Variants in ADGRL3 observed in about 807,000 individuals in gnomAD.
ADGRL3 encodes calcium-independent alpha-latrotoxin receptor 3.
A neutral mutation model predicts 153.5 loss-of-function variants in ADGRL3; 62 were observed. The observed-to-expected ratio is 0.40, with a 90% CI of 0.33 to 0.50. The LOEUF is 0.50. Ranked by LOEUF, ADGRL3 falls within the 20% of genes least tolerant of loss-of-function variation. The pLI, the probability that ADGRL3 is intolerant of heterozygous loss-of-function variation, is 0.47. For missense variants in ADGRL3, 1,641 were observed against 1,859.4 expected (o/e 0.88, Z 2.16); for synonymous variants, 710 against 672.5 (o/e 1.06, Z -0.86).
chr4:61,774,850 G>C (rs1267323564), intron 8 of ADGRL3, among the ~76,000 whole-genome samples: 2 of 152,108 alleles, frequency 1.3e-5, no homozygotes, highest in African/African-American at 4.8e-5. Flanking sequence ...TGCTGCTATC[G>C]GTTGTTTCAG....
intron 2 of ADGRL3, among the ~76,000 whole-genome samples, chr4:61,411,966 A>C (rs1159591551): frequency 6.6e-6 from 1 of 152,190 alleles, no homozygotes; most frequent in Non-Finnish European, 1.5e-5. Context: ...CAATGTGTTA[A>C]CCCTCATATA....
chr4:61,503,215 T>A (rs2098404006), intron 3 of ADGRL3, among the ~76,000 whole-genome samples: 2 of 150,558 alleles, frequency 1.3e-5, no homozygotes, highest in Admixed American at 1.3e-4. Flanking sequence ...GGAAAATAAT[T>A]TTTTTTTTTG....
intron 15 of ADGRL3, among the ~76,000 whole-genome samples, chr4:61,938,677 T>C (rs62304440): frequency 0.019 from 2,940 of 152,118 alleles, 31 homozygotes; most frequent in Non-Finnish European, 0.033. Flanking sequence ...CTTCTTTGTG[T>C]CACTAGCTCC....
At chr4:61,846,651 T>TA (rs755193607) in intron 9 of ADGRL3, among the ~76,000 whole-genome samples, 76 of 152,252 alleles carry the variant, frequency 5.0e-4, no homozygotes, top group South Asian at 3.1e-3. Flanking sequence ...TCTAAAGAAA[T>TA]ACCTGAGACT....
chr4:61,735,477 G>GT (rs1423138537), intron 8 of ADGRL3, among the ~76,000 whole-genome samples: 3 of 152,046 alleles, frequency 2.0e-5, no homozygotes, highest in Non-Finnish European at 4.4e-5. Flanking sequence ...TTTTTTGTTT[G>GT]TTTTTTTAAC....
At position 62,027,135 on chromosome 4, in the gene ADGRL3, A is replaced by G. The variant is rs954141978; in HGVS notation, c.3396-1720A>G. Among the ~76,000 whole-genome samples, 6 of 152,168 alleles carry G rather than the reference A, an allele frequency of 3.9e-5. No individual in the cohort carries two copies. The East Asian group carries it at 5.8e-4, about 15-fold the overall frequency. On this transcript the variant is annotated intron_variant, in intron 21 of 26. Transcript: ENST00000683033. ...TGGGAATGCATATAATATAATAAAT[A>G]TCACATTATTATGTTTTATAAATTT...
At chr4:61,344,635 T>C (rs2095865561) in intron 1 of ADGRL3, among the ~76,000 whole-genome samples, 1 of 152,120 alleles carries the variant, frequency 6.6e-6, no homozygotes, top group Admixed American at 6.6e-5. Context: ...TTGGTGAGAA[T>C]GATCATTGTG....
chr4:61,241,447 T>G (rs1754929078), intron 1 of ADGRL3, among the ~76,000 whole-genome samples: 1 of 152,058 alleles, frequency 6.6e-6, no homozygotes, highest in South Asian at 2.1e-4. Flanking sequence ...GAAACTACTT[T>G]TATCAATACC....
rs145401124 is a variant in ADGRL3, at chr4:61,213,502, A to G, written c.-240+11737A>G. Among the ~76,000 whole-genome samples the G allele has an allele frequency of 2.0e-5, 3 of 152,174 alleles. No homozygotes were observed. The East Asian group carries it at 5.8e-4, about 29-fold the overall frequency. The stretch of plus-strand genomic sequence containing the variant: ...TACATGCTTACGTTGAACACTTTTA[A>G]AATACAGAGATACGTAAAGTTAAAA... On this transcript the variant is annotated intron_variant, in intron 1 of 26. Transcript: ENST00000683033.
chr4:61,822,965 C>A (rs754455412), intron 9 of ADGRL3, among the ~76,000 whole-genome samples: 4 of 152,144 alleles, frequency 2.6e-5, no homozygotes, highest in African/African-American at 4.8e-5. Context: ...AATACAGTGG[C>A]TCCCCGATGT....
At chr4:61,358,992 A>G (rs1360125999) in intron 1 of ADGRL3, among the ~76,000 whole-genome samples, 1 of 152,050 alleles carries the variant, frequency 6.6e-6, no homozygotes, top group East Asian at 1.9e-4. Flanking sequence ...CTCCACTCAC[A>G]CCCCTAAAAA....
chr4:61,479,831 A>G (rs1197512137), intron 2 of ADGRL3, among the ~76,000 whole-genome samples: 1 of 152,134 alleles, frequency 6.6e-6, no homozygotes, highest in African/African-American at 2.4e-5. Flanking sequence ...TGTTATCTGT[A>G]AGAATACAAA....
intron 5 of ADGRL3, among the ~76,000 whole-genome samples, chr4:61,636,495 A>G (rs1183237069): frequency 6.6e-6 from 1 of 152,128 alleles, no homozygotes; most frequent in Non-Finnish European, 1.5e-5. Flanking sequence ...ACCTAGAATT[A>G]ATACTCCACC....
intron 1 of ADGRL3, among the ~76,000 whole-genome samples, chr4:61,336,858 C>CT (rs573900304): frequency 0.27 from 36,143 of 134,098 alleles, 5,250 homozygotes; most frequent in Non-Finnish European, 0.35. Flanking sequence ...CTTACAGTTC[C>CT]TTTTTTTTTT....
chr4:62,037,097 T>A (rs971631591), intron 23 of ADGRL3, among the ~76,000 whole-genome samples: 1 of 152,138 alleles, frequency 6.6e-6, no homozygotes, highest in South Asian at 2.1e-4. Context: ...AGGACAAAAT[T>A]TACAATCTTT....
chr4:61,781,626 A>T (rs903726779), intron 8 of ADGRL3, among the ~76,000 whole-genome samples: 1 of 152,060 alleles, frequency 6.6e-6, no homozygotes, highest in Admixed American at 6.6e-5. Context: ...TTTGTTACTG[A>T]TGTTGATTTA....
chr4:61,563,613 A>G (rs953348181), intron 4 of ADGRL3, among the ~76,000 whole-genome samples: 2 of 152,248 alleles, frequency 1.3e-5, no homozygotes, highest in African/African-American at 4.8e-5. Flanking sequence ...AGCCACATTC[A>G]ACAAGTATCT....
chr4:61,936,728 T>A (rs539873234), intron 15 of ADGRL3, among the ~76,000 whole-genome samples: 3 of 151,144 alleles, frequency 2.0e-5, no homozygotes, highest in South Asian at 4.2e-4. Flanking sequence ...TATATTTACA[T>A]CTCCTCTAAA....
At position 61,394,154 on chromosome 4, in the gene ADGRL3, C is replaced by G. The variant is rs180749439; in HGVS notation, c.-174+10965C>G. 1.8e-3 allele frequency among the ~76,000 whole-genome samples: 273 copies of G among 152,008 alleles called. 2 individuals carry two copies. Among genetic ancestry groups the G allele is most frequent in the African/African-American group, 6.4e-3 (264 of 41,504 alleles). ...TTTATTATAGAATAATGAATAATCT[C>G]TTTTGGAGAGAATATAATTTTCCTG... On this transcript the variant is annotated intron_variant, in intron 2 of 26. Transcript: ENST00000683033.
Sources: allele counts gnomAD v4.1 joint callset (sites outside exome capture counted in the v4.1 genomes callset), GRCh38; gene constraint gnomAD v4.1.1; transcripts MANE v1.5; gene names NCBI Gene and HGNC (gene_info 2026-07-23, HGNC 2026-07-21).